Variants in BTN2A1 observed in about 807,000 individuals in gnomAD.
BTN2A1 encodes the protein butyrophilin subfamily 2 member A1.
BTN2A1 carries 41 observed loss-of-function variants against 34.5 expected under a neutral mutation model. The ratio of observed to expected loss-of-function variants is 1.19; its 90% CI spans 0.93 to 1.54. The LOEUF (loss-of-function observed/expected upper bound fraction) is 1.54, where lower values mean the gene tolerates loss of function less well. BTN2A1 is among the 40% of genes most tolerant of loss of function. The probability of loss-of-function intolerance (pLI) is 0.00; values close to 1 mark genes in which losing one functional copy is unlikely to be tolerated. For missense variants in BTN2A1, 642 were observed against 662.0 expected, an observed-to-expected ratio of 0.97 and a Z score of 0.33; for synonymous variants, 267 against 258.6, an observed-to-expected ratio of 1.03 and a Z score of -0.31.
chr6:26,472,629 C>T (rs1376414561), downstream of BTN2A1, among the ~76,000 whole-genome samples: 1 of 152,110 alleles, frequency 6.6e-6, no homozygotes, highest in Non-Finnish European at 1.5e-5. Flanking sequence ...GGACCTCTGG[C>T]CAGCAACACC....
At chr6:26,471,791 C>G (rs1763457330), downstream of BTN2A1, among the ~76,000 whole-genome samples, 1 of 152,114 alleles carries the variant, frequency 6.6e-6, no homozygotes, top group South Asian at 2.1e-4. Flanking sequence ...GTTGTGGATA[C>G]ATTAAGGTTG....
exon 8 of BTN2A1, chr6:26,476,204 A>T (rs1249628970): frequency 7.9e-6 from 12 of 1,525,248 alleles, no homozygotes; most frequent in Admixed American, 3.9e-5. Flanking sequence ...GAAAATCTCC[A>T]CTGGAGAGAA....
chr6:26,461,241 G>T (rs758643388), intron 3 of BTN2A1, among the ~76,000 whole-genome samples: 1 of 152,212 alleles, frequency 6.6e-6, no homozygotes, highest in Non-Finnish European at 1.5e-5. Flanking sequence ...CTATAAAACT[G>T]ACAGTGGCCT....
At position 26,467,989 on chromosome 6, in the gene BTN2A1, T is replaced by C. The variant is rs1229587851; in HGVS notation, c.1024T>C (p.Phe342Leu). The C allele has an allele frequency of 1.9e-6, 3 of 1,613,976 alleles. No individual in the cohort carries two copies. The highest frequency in any genetic ancestry group is 2.5e-6 in the Non-Finnish European group (3 of 1,179,966). Residue 342 changes from phenylalanine (F) to leucine (L), a missense_variant, in exon 8 of 8, where the codon TTC becomes CTC. Phe to Leu is a conservative substitution (Grantham distance 22). Transcript: ENST00000312541. ...LDPDTAHPDL[F>L]LSEDRRSVRR... ...TCCAGACACCGCTCATCCCGATCTC[T>C]TCCTGTCAGAGGACCGGAGAAGTGT...
intron 7 of BTN2A1, among the ~76,000 whole-genome samples, chr6:26,466,678 T>C (rs1302702400): frequency 6.6e-6 from 1 of 152,222 alleles, no homozygotes; most frequent in Admixed American, 6.5e-5. Context: ...TTTCATCTTA[T>C]GATTCAGCCC....
At chr6:26,462,302 T>C (rs1235790998) in intron 3 of BTN2A1, among the ~76,000 whole-genome samples, 2 of 152,162 alleles carry the variant, frequency 1.3e-5, no homozygotes, top group African/African-American at 4.8e-5. Flanking sequence ...ATTGAAAAAG[T>C]GGTATGGTTA....
chr6:26,465,520 G>C, intron 5 of BTN2A1, 114 bp downstream of exon 5: 2 of 950,524 alleles, frequency 2.1e-6, no homozygotes, highest in Non-Finnish European at 3.2e-6. Flanking sequence ...GATAAAGTGA[G>C]ACCCTGTTTA....
Position 26,463,150 on chromosome 6 carries a change from C to T in BTN2A1, c.431-94C>T, listed in dbSNP as rs1310875943. On this transcript the variant is annotated intron_variant, in intron 3 of 7. Transcript: ENST00000312541. ...TTGTTTCCTATCTCCCTCTTTTTTA[C>T]CTTTACTTTCTAGCTTCACAGAAGA... is the stretch of plus-strand genomic sequence containing the variant. 4 of 1,389,952 alleles carry T rather than the reference C, an allele frequency of 2.9e-6. No individual in the cohort carries two copies. The African/African-American group carries it at 5.8e-5, about 20-fold the overall frequency. The allele number at this position is 1,389,952 out of a possible 1,614,324, so 86.1% of individuals were successfully genotyped here.
chr6:26,465,300 A>G lies in BTN2A1; in HGVS notation c.828A>G (p.Lys276=), dbSNP rs1272495066. The G allele has an allele frequency of 5.0e-6, 8 of 1,614,210 alleles. No individual in the cohort carries two copies. The highest frequency in any genetic ancestry group is 6.8e-6 in the Non-Finnish European group (8 of 1,180,040). The change falls in exon 5 of 8, where the codon AAA becomes AAG. Residue 276 remains lysine (K), a synonymous_variant. Transcript: ENST00000312541. ...IYWINKLQKE[K]KILSGEKEFE... is the part of the protein sequence containing the mutation. ...GGATCAACAAACTCCAAAAGGAAAA[A>G]AAGATTCTGTCAGGGGAAAAGGAGT...
In BTN2A1 at chr6:26,468,005, G is replaced by A. The variant is rs143270185; in HGVS notation, c.1040G>A (p.Arg347Gln). ...AHPDLFLSED[R>Q]RSVRRCPFRH... ...CCCGATCTCTTCCTGTCAGAGGACCGGAGAAGTGTGAGAAGGTGCCCCTTC... is the reference window on the plus strand; with the variant it reads ...CCCGATCTCTTCCTGTCAGAGGACCAGAGAAGTGTGAGAAGGTGCCCCTTC... The change falls in exon 8 of 8, where the codon CGG (arginine) becomes CAG (glutamine). Residue 347 changes from arginine to glutamine, a missense_variant. By Grantham distance (43) the Arg-to-Gln change is conservative. Coordinates refer to ENST00000312541, the MANE Select transcript of BTN2A1 (RefSeq NM_007049.5). The A allele has an allele frequency of 2.1e-5, 34 of 1,614,080 alleles. No homozygotes were observed. Among genetic ancestry groups the A allele is most frequent in the African/African-American group, 1.6e-4 (12 of 74,932 alleles).
chr6:26,475,544 G>A (rs1344421989), intron 7 of BTN2A1, among the ~76,000 whole-genome samples: 6 of 152,080 alleles, frequency 3.9e-5, no homozygotes, highest in Admixed American at 3.9e-4. Context: ...ACATTTGGGG[G>A]CATTTTGTTT....
downstream of BTN2A1, among the ~76,000 whole-genome samples, chr6:26,471,034 A>G (rs1055627440): frequency 6.6e-6 from 1 of 152,216 alleles, no homozygotes; most frequent in African/African-American, 2.4e-5. Flanking sequence ...GGCTTAAATG[A>G]TAGTGTTTTG....
chr6:26,459,779 C>A lies in BTN2A1; in HGVS notation c.381C>A (p.Phe127Leu). ...AAAACGGCACCTACCGCTGTTACTT[C>A]CAAGAAGGCAGGTCCTACGATGAGG... is the stretch of plus-strand genomic sequence containing the variant. ...AQENGTYRCY[F>L]QEGRSYDEAI... The change falls in exon 3 of 8, where the codon TTC becomes TTA. Residue 127 changes from phenylalanine to leucine, a missense_variant. Coordinates refer to ENST00000312541, the MANE Select transcript of BTN2A1 (RefSeq NM_007049.5). 1 of 1,614,132 alleles carries A rather than the reference C, an allele frequency of 6.2e-7. No individual in the cohort carries two copies. Among genetic ancestry groups the A allele is most frequent in the East Asian group, 2.2e-5 (1 of 44,884 alleles).
In BTN2A1 at chr6:26,468,097, C is replaced by G; in HGVS notation, c.1132C>G (p.Arg378Gly). 6.2e-7 allele frequency: 1 copy of G among 1,614,154 alleles called. No individual in the cohort carries two copies. Among genetic ancestry groups the G allele is most frequent in the South Asian group, 1.1e-5 (1 of 91,078 alleles). The change falls in exon 8 of 8, where the codon CGG becomes GGG. Residue 378 changes from arginine to glycine, a missense_variant. Arg to Gly is a moderately radical substitution (Grantham distance 125, BLOSUM62 -2). Coordinates refer to ENST00000312541, the MANE Select transcript of BTN2A1 (RefSeq NM_007049.5). ...CGACAGTCAGCCTTGTGTCCTAGGC[C>G]GGGAGAGCTTCGCTTCAGGGAAACA... ...RFDSQPCVLGRESFASGKHYW... is the reference protein window; with the variant it reads ...RFDSQPCVLGGESFASGKHYW...
At chr6:26,467,902 C>A (rs758824461) in intron 7 of BTN2A1, 46 bp from the exon 8 acceptor site, 3 of 1,588,076 alleles carry the variant, frequency 1.9e-6, no homozygotes, top group Middle Eastern at 1.7e-4. Context: ...ACACAATCCC[C>A]AGGGTTCCTG....
downstream of BTN2A1, among the ~76,000 whole-genome samples, chr6:26,470,440 C>T (rs1014335932): frequency 8.8e-5 from 11 of 125,408 alleles, no homozygotes; most frequent in Non-Finnish European, 1.6e-4. Flanking sequence ...ATAGAGGATT[C>T]GGGAAGTAAA....
intron 4 of BTN2A1, 134 bp downstream of exon 4, chr6:26,463,659 G>C: frequency 9.6e-7 from 1 of 1,046,944 alleles, no homozygotes; most frequent in Admixed American, 2.3e-5. Flanking sequence ...GGCTGCAGCT[G>C]AGTGAAGCCT....
chr6:26,467,788 T>C (rs765813924), intron 7 of BTN2A1, 160 bp from the exon 8 acceptor site: 1 of 1,568,750 alleles, frequency 6.4e-7, no homozygotes, highest in Non-Finnish European at 8.6e-7. Flanking sequence ...GCTTCAGTAA[T>C]TCTCAGTGTG....
At chr6:26,464,195 TC>T (rs1412853779) in intron 4 of BTN2A1, among the ~76,000 whole-genome samples, 2 of 152,136 alleles carry the variant, frequency 1.3e-5, no homozygotes, top group Non-Finnish European at 2.9e-5. Context: ...GCTGTAGCCA[TC>T]CCTTCCTGTG....
Sources: allele counts gnomAD v4.1 joint callset (sites outside exome capture counted in the v4.1 genomes callset), GRCh38; gene constraint gnomAD v4.1.1; transcripts MANE v1.5; gene names NCBI Gene and HGNC (gene_info 2026-07-23, HGNC 2026-07-21).